Variants in NOS1 observed in about 807,000 individuals in gnomAD.
NOS1 encodes the protein NOS type I.
In NOS1, 51 loss-of-function variants were observed where a neutral mutation model predicts 164.5. That is an observed-to-expected ratio of 0.31 (90% CI 0.25 to 0.39). NOS1 has a LOEUF of 0.39. Among genes scored for constraint, NOS1 ranks in the 10% least tolerant of loss-of-function variants. The probability of loss-of-function intolerance (pLI) is 1.00; values close to 1 mark genes in which losing one functional copy is unlikely to be tolerated. For synonymous variants in NOS1, 719 were observed against 745.8 expected (o/e 0.96, Z 0.59); for missense variants, 1,362 against 1,885.6 (o/e 0.72, Z 5.14).
intron 1 of NOS1, among the ~76,000 whole-genome samples, chr12:117,340,873 A>ATTTTTTTTTT (rs56322341): frequency 0.031 from 3,270 of 103,926 alleles, no homozygotes; most frequent in Middle Eastern, 0.049. Context: ...ACACCTGGCT[A>ATTTTTTTTTT]TTTTTTTTTT....
intron 1 of NOS1, among the ~76,000 whole-genome samples, chr12:117,357,223 T>C (rs994001571): frequency 2.6e-5 from 4 of 152,084 alleles, no homozygotes; most frequent in African/African-American, 4.8e-5. Flanking sequence ...CTCGGGAGGC[T>C]GAGGAGAGAT....
At chr12:117,350,488 T>C (rs1876566501) in intron 1 of NOS1, among the ~76,000 whole-genome samples, 1 of 152,234 alleles carries the variant, frequency 6.6e-6, no homozygotes, top group South Asian at 2.1e-4. Flanking sequence ...CTTGATTTTA[T>C]AGTACCCACT....
chr12:117,247,919 C>G (rs1441227164), intron 17 of NOS1, among the ~76,000 whole-genome samples: 1 of 148,052 alleles, frequency 6.8e-6, no homozygotes, highest in Non-Finnish European at 1.5e-5. Context: ...GCACTCCAGC[C>G]TGGGTGACAG....
Position 117,253,416 on chromosome 12 carries a change from T to C in NOS1, c.2648+222A>G, listed in dbSNP as rs542513250. Among the ~76,000 whole-genome samples, 12 of 151,954 alleles carry C rather than the reference T, an allele frequency of 7.9e-5. 1 individual carries two copies. The South Asian group carries it at 2.5e-3, about 32-fold the overall frequency. On this transcript the variant is annotated intron_variant, in intron 17 of 28. Coordinates refer to ENST00000317775, the MANE Select transcript of NOS1 (RefSeq NM_000620.5). ...TAATGGGGCTCTGAGGGAGTGTGTA[T>C]ATGAAAAGAAGTCACAGAAAGGATA... is the stretch of plus-strand genomic sequence containing the variant.
chr12:117,222,790 C>G lies in NOS1; in HGVS notation c.3900G>C (p.Glu1300Asp). 1 of 1,613,970 alleles carries G rather than the reference C, an allele frequency of 6.2e-7. No homozygotes were observed. Among genetic ancestry groups the G allele is most frequent in the Non-Finnish European group, 8.5e-7 (1 of 1,179,986 alleles). ...CCCCCTTGTTCTTGGCCTGCAGGGT[C>G]TCTTCCCTGTAGATATGATCTATCT... ...QSKIDHIYRE[E>D]TLQAKNKGVF... is the part of the protein sequence containing the mutation. Residue 1300 changes from glutamate to aspartate, a missense_variant, in exon 26 of 29, where the codon GAG (glutamate) becomes GAC (aspartate). Glu to Asp is a conservative substitution (Grantham distance 45, BLOSUM62 2). Transcript: ENST00000317775.
intron 22 of NOS1, among the ~76,000 whole-genome samples, chr12:117,231,465 G>A (rs1216243681): frequency 6.6e-6 from 1 of 152,060 alleles, no homozygotes; most frequent in Non-Finnish European, 1.5e-5. Flanking sequence ...TGCTTGAGGG[G>A]ATGAATACCC....
At chr12:117,260,662 G>T in intron 13 of NOS1, 53 bp from the exon 14 acceptor site, 1 of 1,582,006 alleles carries the variant, frequency 6.3e-7, no homozygotes. Flanking sequence ...GGGGAGAGAA[G>T]ATGCTGGATT....
chr12:117,224,864 C>T (rs1868512342), intron 25 of NOS1, 152 bp downstream of exon 25: 1 of 954,092 alleles, frequency 1.0e-6, no homozygotes, highest in South Asian at 1.5e-5. Context: ...TGAACTTCAC[C>T]TGTAGGTCAG....
At chr12:117,240,154 C>T (rs547210428) in intron 20 of NOS1, among the ~76,000 whole-genome samples, 138 of 152,306 alleles carry the variant, frequency 9.1e-4, no homozygotes, top group African/African-American at 3.2e-3. Context: ...TAAATCATCC[C>T]TTCCCATAGG....
rs186330111 is a variant in NOS1 at position 117,309,347 on chromosome 12, G to T, written c.852+2119C>A. ...AATCCCTGATGTCCTTATCTTCCTG[G>T]CCAGCCATCAGCGGCTAAGGAAAGC... On this transcript the variant is annotated intron_variant, in intron 3 of 28. Coordinates refer to ENST00000317775, the MANE Select transcript of NOS1 (RefSeq NM_000620.5). The T allele has an allele frequency of 1.5e-4, 148 of 982,560 alleles. 1 individual carries two copies. The highest frequency in any genetic ancestry group is 1.2e-3 in the African/African-American group (68 of 54,718). The allele number at this position is 982,560 out of a possible 1,614,324, so 60.9% of individuals were successfully genotyped here.
intron 1 of NOS1, among the ~76,000 whole-genome samples, chr12:117,359,255 G>C (rs1294930311): frequency 6.6e-6 from 1 of 152,200 alleles, no homozygotes; most frequent in East Asian, 1.9e-4. Flanking sequence ...ACCTGCCGAG[G>C]CTTCTCAAAC....
intron 7 of NOS1, among the ~76,000 whole-genome samples, chr12:117,284,401 C>T (rs769857188): frequency 1.8e-4 from 28 of 152,196 alleles, no homozygotes; most frequent in Non-Finnish European, 3.2e-4. Context: ...CTGCCTGCCT[C>T]GGCCTGCTCC....
At chr12:117,221,449 A>G (rs1956703941) in intron 26 of NOS1, among the ~76,000 whole-genome samples, 2 of 150,630 alleles carry the variant, frequency 1.3e-5, no homozygotes, top group South Asian at 2.1e-4. Flanking sequence ...GCGCCCAGCT[A>G]ATTTTTATAT....
intron 22 of NOS1, among the ~76,000 whole-genome samples, chr12:117,230,243 A>G (rs547364452): frequency 1.3e-5 from 2 of 152,308 alleles, no homozygotes; most frequent in East Asian, 1.9e-4. Context: ...AAACAGTGCA[A>G]TCTAATAAGG....
chr12:117,233,534 C>T (rs1869439853), intron 21 of NOS1, among the ~76,000 whole-genome samples: 1 of 150,352 alleles, frequency 6.7e-6, no homozygotes, highest in African/African-American at 2.4e-5. Flanking sequence ...CAGCCGGGTG[C>T]GGTGGCTCAT....
intron 9 of NOS1, among the ~76,000 whole-genome samples, chr12:117,275,492 G>A (rs774684983): frequency 2.0e-5 from 3 of 152,138 alleles, no homozygotes; most frequent in Non-Finnish European, 2.9e-5. Flanking sequence ...GGATGCTGGA[G>A]GCTGGGAGGA....
In NOS1 at chr12:117,311,500, A is replaced by G. The variant is rs1393586680; in HGVS notation, c.818T>C (p.Val273Ala). ...CTCTGAATATGGGTTGTTGAGGACG[A>G]CAGGCACATTGCCCTTCCCCCATAG... ...NDLWGKGNVP[V>A]VLNNPYSEKE... Residue 273 changes from valine to alanine, a missense_variant, in exon 3 of 29, where the codon GTC becomes GCC. Val to Ala is a moderately conservative substitution (Grantham distance 64). Coordinates refer to ENST00000317775, the MANE Select transcript of NOS1 (RefSeq NM_000620.5). 2.0e-5 allele frequency: 32 copies of G among 1,612,254 alleles called. No individual in the cohort carries two copies. The highest frequency in any genetic ancestry group is 2.7e-5 in the Non-Finnish European group (32 of 1,179,402).
intron 3 of NOS1, among the ~76,000 whole-genome samples, chr12:117,300,883 C>T (rs1254729793): frequency 6.6e-6 from 1 of 152,150 alleles, no homozygotes; most frequent in Non-Finnish European, 1.5e-5. Flanking sequence ...AAGGAGTAAT[C>T]AAGAAGCACC....
At chr12:117,271,525 C>T (rs927114842) in intron 10 of NOS1, among the ~76,000 whole-genome samples, 2 of 152,236 alleles carry the variant, frequency 1.3e-5, no homozygotes, top group South Asian at 4.2e-4. Flanking sequence ...CAGCCTGCCT[C>T]GGCCTCCCAA....
Sources: allele counts gnomAD v4.1 joint callset (sites outside exome capture counted in the v4.1 genomes callset), GRCh38; gene constraint gnomAD v4.1.1; transcripts MANE v1.5; gene names NCBI Gene and HGNC (gene_info 2026-07-23, HGNC 2026-07-21).